Variants in MARCO observed in about 807,000 individuals in gnomAD.
The protein encoded by MARCO is macrophage receptor MARCO.
A neutral mutation model predicts 70.0 loss-of-function variants in MARCO; 72 were observed. That is an observed-to-expected ratio of 1.03 (90% confidence interval 0.85 to 1.25). The LOEUF is 1.25. Among genes scored for constraint, MARCO ranks in the 50% most tolerant of loss-of-function variants. The pLI, the probability that MARCO is intolerant of heterozygous loss-of-function variation, is 0.00. For synonymous variants in MARCO, 273 were observed against 243.1 expected (o/e 1.12, Z -1.14); for missense variants, 696 against 659.3 (o/e 1.06, Z -0.61).
chr2:118,986,409 G>T (rs1331006919), intron 12 of MARCO, among the ~76,000 whole-genome samples: 1 of 151,810 alleles, frequency 6.6e-6, no homozygotes, highest in Non-Finnish European at 1.5e-5. Flanking sequence ...AGCTACTCAG[G>T]TGGCTGAAGG....
intron 1 of MARCO, among the ~76,000 whole-genome samples, chr2:118,952,196 C>T (rs1679735676): frequency 6.6e-6 from 1 of 152,142 alleles, no homozygotes. Flanking sequence ...ACCCCTCAAA[C>T]CAGGGATGTC....
intron 12 of MARCO, among the ~76,000 whole-genome samples, chr2:118,986,545 A>T (rs1374109879): frequency 7.9e-6 from 1 of 127,022 alleles, no homozygotes; most frequent in Non-Finnish European, 1.6e-5. Context: ...AAAGAGAGAG[A>T]GAGGAAGGAA....
rs2104570664 is a variant in MARCO at position 118,965,368 on chromosome 2, A to T, written c.98-3792A>T. 1.3e-5 allele frequency among the ~76,000 whole-genome samples: 2 copies of T among 151,912 alleles called. 1 individual carries two copies. On this transcript the variant is annotated intron_variant, in intron 1 of 16. Transcript: ENST00000327097. The stretch of plus-strand genomic sequence containing the variant: ...TCATCTACCAAGTCTTTTTTCTTTC[A>T]TTGGTATTTTTTTAGTTCTATAGTT...
At chr2:118,945,992 CA>C (rs1207498555) in intron 1 of MARCO, among the ~76,000 whole-genome samples, 16 of 152,184 alleles carry the variant, frequency 1.1e-4, no homozygotes, top group African/African-American at 3.9e-4. Flanking sequence ...GCTATTATTT[CA>C]TGTCATTGTT....
chr2:118,970,401 G>C (rs1380422363), intron 3 of MARCO, 63 bp downstream of exon 3: 3 of 1,312,018 alleles, frequency 2.3e-6, no homozygotes, highest in Admixed American at 2.0e-5. Context: ...AGCGGGATCA[G>C]GAACCAGGAA....
At chr2:118,943,519 G>T (rs577237036) in intron 1 of MARCO, among the ~76,000 whole-genome samples, 10 of 152,198 alleles carry the variant, frequency 6.6e-5, no homozygotes, top group Non-Finnish European at 1.5e-4. Context: ...GGCACGAGGG[G>T]ACAGGGGACA....
chr2:118,989,219 G>A (rs571891191), intron 12 of MARCO, among the ~76,000 whole-genome samples: 1 of 152,344 alleles, frequency 6.6e-6, no homozygotes, highest in Admixed American at 6.5e-5. Context: ...GTGAACCAAA[G>A]CAGTGAGGCA....
At chr2:118,977,735 C>T (rs1680312457) in intron 7 of MARCO, 93 bp from the exon 8 acceptor site, 2 of 998,324 alleles carry the variant, frequency 2.0e-6, no homozygotes, top group East Asian at 2.6e-5. Flanking sequence ...ATCCCATTCC[C>T]TTCTCTCCCA....
intron 1 of MARCO, chr2:118,949,240 C>A (rs1679671391): frequency 6.6e-6 from 1 of 152,134 alleles, no homozygotes; most frequent in Admixed American, 6.5e-5. Flanking sequence ...GAGGACCATG[C>A]TAGTGGAAAG....
intron 1 of MARCO, among the ~76,000 whole-genome samples, chr2:118,959,083 A>G (rs1474463088): frequency 6.6e-6 from 1 of 152,198 alleles, no homozygotes; most frequent in Non-Finnish European, 1.5e-5. Context: ...TTAAGCAAAG[A>G]TTTCATGACC....
At chr2:118,986,997 A>G (rs1485631657) in intron 12 of MARCO, among the ~76,000 whole-genome samples, 1 of 152,132 alleles carries the variant, frequency 6.6e-6, no homozygotes, top group African/African-American at 2.4e-5. Context: ...TGACAGTTTC[A>G]CAGCACTCTG....
intron 4 of MARCO, among the ~76,000 whole-genome samples, chr2:118,973,445 A>G (rs1216039516): frequency 6.6e-6 from 1 of 152,100 alleles, no homozygotes; most frequent in Non-Finnish European, 1.5e-5. Flanking sequence ...GAAACCAGAG[A>G]CAGGAAACTT....
chr2:118,986,158 G>A (rs1680478875), intron 12 of MARCO, among the ~76,000 whole-genome samples: 1 of 152,062 alleles, frequency 6.6e-6, no homozygotes, highest in African/African-American at 2.4e-5. Context: ...AAGTTTCTGA[G>A]AGAGCTTTGC....
At chr2:118,987,318 C>G (rs1454368499) in intron 12 of MARCO, among the ~76,000 whole-genome samples, 3 of 152,214 alleles carry the variant, frequency 2.0e-5, no homozygotes, top group Non-Finnish European at 4.4e-5. Flanking sequence ...TCCCTCTACT[C>G]TGCAGGAGCT....
At chr2:118,989,184 T>A (rs1232932521) in intron 12 of MARCO, among the ~76,000 whole-genome samples, 3 of 152,202 alleles carry the variant, frequency 2.0e-5, no homozygotes, top group Admixed American at 6.5e-5. Flanking sequence ...TTGCAGAGTT[T>A]ACAAGCTAAA....
chr2:118,965,954 A>G (rs1254737090), intron 1 of MARCO, among the ~76,000 whole-genome samples: 1 of 152,148 alleles, frequency 6.6e-6, no homozygotes, highest in Non-Finnish European at 1.5e-5. Flanking sequence ...GGGTCTGCTC[A>G]CCAGGCAGCC....
In MARCO at chr2:118,993,254, C is replaced by T. The variant is rs1457328730; in HGVS notation, c.1383C>T (p.Arg461=). The T allele has an allele frequency of 1.9e-6, 3 of 1,614,134 alleles. No homozygotes were observed. The highest frequency in any genetic ancestry group is 2.5e-6 in the Non-Finnish European group (3 of 1,180,020). Residue 461 remains arginine, a synonymous_variant, in exon 16 of 17, where the codon CGC becomes CGT. Transcript: ENST00000327097. ...WQNSDAIVFC[R]MLGYSKGRAL... is the part of the protein sequence containing the mutation. Reference sequence around the variant, plus strand: ...ATTCTGATGCCATTGTCTTCTGCCGCATGCTGGGTTACTCCAAAGGAAGGG... The same window carrying T: ...ATTCTGATGCCATTGTCTTCTGCCGTATGCTGGGTTACTCCAAAGGAAGGG...
At position 118,986,700 on chromosome 2, in the gene MARCO, A is replaced by G. The variant is rs190777380; in HGVS notation, c.1064-3889A>G. 5.5e-3 allele frequency among the ~76,000 whole-genome samples: 628 copies of G among 114,832 alleles called. 29 individuals carry two copies. Among genetic ancestry groups the G allele is most frequent in the East Asian group, 0.034 (102 of 3,008 alleles). The allele number at this position is 114,832 out of a possible 152,430, so 75.3% of individuals were successfully genotyped here. ...AAGAAAGAAAGAAAGAAAGAAAGAA[A>G]GAAAGAAAGAAAGAAAGAAAGAAAA... On this transcript the variant is annotated intron_variant, in intron 12 of 16. Transcript: ENST00000327097.
intron 12 of MARCO, among the ~76,000 whole-genome samples, chr2:118,986,014 CTA>C (rs1351251841): frequency 6.6e-6 from 1 of 152,162 alleles, no homozygotes; most frequent in African/African-American, 2.4e-5. Context: ...CAATTGAGCC[CTA>C]TGTCATGAAT....
Sources: gnomAD v4.1 joint callset for allele counts (sites outside exome capture counted in the v4.1 genomes callset) on GRCh38, gnomAD v4.1.1 for gene constraint, MANE v1.5 for transcripts, NCBI Gene and HGNC (gene_info 2026-07-23, HGNC 2026-07-21) for gene names.